Variants in JAZF1 observed in about 807,000 individuals in gnomAD.
JAZF1 encodes the protein juxtaposed with another zinc finger protein 1.
In JAZF1, 8 loss-of-function variants were observed where a neutral mutation model predicts 26.4. The observed-to-expected ratio is 0.30, with a 90% CI of 0.18 to 0.55. The LOEUF (loss-of-function observed/expected upper bound fraction) is 0.55. Ranked by LOEUF, JAZF1 falls within the 20% of genes least tolerant of loss-of-function variation. The pLI is 0.94. For missense variants in JAZF1, 199 were observed against 322.0 expected, an observed-to-expected ratio of 0.62 and a Z score of 2.92; for synonymous variants, 126 against 122.3, an observed-to-expected ratio of 1.03 and a Z score of -0.20.
chr7:27,932,543 A>G (rs1239307708), intron 2 of JAZF1, among the ~76,000 whole-genome samples: 1 of 152,252 alleles, frequency 6.6e-6, no homozygotes, highest in Non-Finnish European at 1.5e-5. Context: ...AACATGAAAT[A>G]CAGACTTTTA....
chr7:27,935,416 G>A (rs963522921), intron 2 of JAZF1, among the ~76,000 whole-genome samples: 7 of 152,208 alleles, frequency 4.6e-5, no homozygotes, highest in Non-Finnish European at 8.8e-5. Flanking sequence ...GATGAACCCT[G>A]AAAATGTCGT....
chr7:27,988,455 G>A (rs1050512756), intron 2 of JAZF1, among the ~76,000 whole-genome samples: 3 of 150,966 alleles, frequency 2.0e-5, no homozygotes, highest in Non-Finnish European at 4.4e-5. Flanking sequence ...GCTCACTGCA[G>A]CCTCAAACTC....
intron 4 of JAZF1, among the ~76,000 whole-genome samples, chr7:27,837,526 C>T (rs951268858): frequency 6.2e-4 from 95 of 152,198 alleles, no homozygotes; most frequent in African/African-American, 2.0e-3. Flanking sequence ...GTGAGCTCTG[C>T]GGGTTATGGG....
intron 1 of JAZF1, among the ~76,000 whole-genome samples, chr7:28,051,582 G>A (rs1008631061): frequency 6.6e-6 from 1 of 151,988 alleles, no homozygotes; most frequent in African/African-American, 2.4e-5. Flanking sequence ...CCTGCAAACT[G>A]GCTCCTGAAA....
intron 1 of JAZF1, among the ~76,000 whole-genome samples, chr7:28,026,201 T>A (rs1783090886): frequency 6.6e-6 from 1 of 152,152 alleles, no homozygotes; most frequent in Admixed American, 6.5e-5. Flanking sequence ...ACAAGTGACT[T>A]CTAAAGATGA....
At chr7:28,124,096 A>G (rs997750782) in intron 1 of JAZF1, among the ~76,000 whole-genome samples, 1 of 152,168 alleles carries the variant, frequency 6.6e-6, no homozygotes, top group Non-Finnish European at 1.5e-5. Flanking sequence ...GAAAGTAACT[A>G]TTTGGAGATA....
At chr7:28,033,400 GAC>G (rs1260982261) in intron 1 of JAZF1, among the ~76,000 whole-genome samples, 2 of 152,190 alleles carry the variant, frequency 1.3e-5, no homozygotes, top group African/African-American at 2.4e-5. Flanking sequence ...TTAGAAATGA[GAC>G]ACTCCAGGAC....
At chr7:28,138,104 G>A (rs1782911868) in intron 1 of JAZF1, among the ~76,000 whole-genome samples, 1 of 152,152 alleles carries the variant, frequency 6.6e-6, no homozygotes, top group Non-Finnish European at 1.5e-5. Flanking sequence ...CCATGTTCCA[G>A]AACCATACCT....
At chr7:27,943,031 A>T (rs1784872961) in intron 2 of JAZF1, among the ~76,000 whole-genome samples, 1 of 152,178 alleles carries the variant, frequency 6.6e-6, no homozygotes, top group Admixed American at 6.5e-5. Context: ...TTCATGACGA[A>T]ACAAATTCTG....
chr7:28,034,469 T>TACACACAC (rs59979673), intron 1 of JAZF1, among the ~76,000 whole-genome samples: 9,753 of 145,258 alleles, frequency 0.067, 350 homozygotes, highest in South Asian at 0.1. Flanking sequence ...AGAAAACTAA[T>TACACACAC]ACACACACAC....
chr7:27,877,104 C>G (rs375747647), intron 3 of JAZF1, among the ~76,000 whole-genome samples: 1 of 152,192 alleles, frequency 6.6e-6, no homozygotes, highest in African/African-American at 2.4e-5. Context: ...GAGGCCGCTG[C>G]TGGAAAGCCA....
intron 1 of JAZF1, among the ~76,000 whole-genome samples, chr7:28,087,573 C>T (rs969832746): frequency 2.6e-5 from 4 of 152,034 alleles, no homozygotes; most frequent in African/African-American, 4.8e-5. Context: ...TATTAACAAC[C>T]AACCTCTCCA....
At chr7:27,997,419 T>C (rs528331853) in intron 1 of JAZF1, among the ~76,000 whole-genome samples, 44 of 152,318 alleles carry the variant, frequency 2.9e-4, no homozygotes, top group Admixed American at 5.2e-4. Flanking sequence ...GATTCTTCTC[T>C]GATTCAGTTA....
intron 1 of JAZF1, among the ~76,000 whole-genome samples, chr7:28,166,493 A>G (rs1484523497): frequency 6.6e-6 from 1 of 152,178 alleles, no homozygotes; most frequent in Non-Finnish European, 1.5e-5. Flanking sequence ...AAAGCCCTAC[A>G]AATCTTTCGA....
intron 3 of JAZF1, among the ~76,000 whole-genome samples, chr7:27,879,458 T>C (rs966111035): frequency 6.6e-6 from 1 of 152,196 alleles, no homozygotes; most frequent in Non-Finnish European, 1.5e-5. Context: ...TGACTTCTTA[T>C]AAGACAACAA....
At chr7:28,116,192 A>G (rs1044558753) in intron 1 of JAZF1, among the ~76,000 whole-genome samples, 6 of 152,152 alleles carry the variant, frequency 3.9e-5, no homozygotes, top group African/African-American at 1.4e-4. Flanking sequence ...GTCAAAGGGT[A>G]ATTGTATTTG....
At chr7:28,005,376 C>T (rs55712772) in intron 1 of JAZF1, among the ~76,000 whole-genome samples, 2 of 150,622 alleles carry the variant, frequency 1.3e-5, no homozygotes, top group South Asian at 2.1e-4. Context: ...GAATTGCCTT[C>T]GTTACTTCCT....
At chr7:27,920,407 T>C (rs1472846934) in intron 2 of JAZF1, among the ~76,000 whole-genome samples, 1 of 152,180 alleles carries the variant, frequency 6.6e-6, no homozygotes, top group Non-Finnish European at 1.5e-5. Flanking sequence ...CATGTTTTAA[T>C]TGGTTTTAGG....
chr7:27,897,522 T>C (rs894389429), intron 2 of JAZF1, among the ~76,000 whole-genome samples: 1 of 152,204 alleles, frequency 6.6e-6, no homozygotes, highest in African/African-American at 2.4e-5. Flanking sequence ...TAAAAGAGTG[T>C]GTCAACTATG....
Sources: gnomAD v4.1 joint callset for allele counts (sites outside exome capture counted in the v4.1 genomes callset) on GRCh38, gnomAD v4.1.1 for gene constraint, MANE v1.5 for transcripts, NCBI Gene and HGNC (gene_info 2026-07-23, HGNC 2026-07-21) for gene names.